Variants in KCNK10 observed in about 807,000 individuals in gnomAD.
KCNK10 encodes the protein potassium channel subfamily K member 10.
A neutral mutation model predicts 47.7 loss-of-function variants in KCNK10; 25 were observed. The ratio of observed to expected loss-of-function variants is 0.52; its 90% CI spans 0.38 to 0.73. The LOEUF (loss-of-function observed/expected upper bound fraction) is 0.73, where lower values mean the gene tolerates loss of function less well. Ranked by LOEUF, KCNK10 falls within the 30% of genes least tolerant of loss-of-function variation. The pLI is 0.00. For missense variants in KCNK10, 563 were observed against 714.5 expected, an observed-to-expected ratio of 0.79 and a Z score of 2.42; for synonymous variants, 303 against 285.6, an observed-to-expected ratio of 1.06 and a Z score of -0.61.
chr14:88,266,494 T>G (rs1887261546), intron 1 of KCNK10, among the ~76,000 whole-genome samples: 1 of 152,192 alleles, frequency 6.6e-6, no homozygotes, highest in Non-Finnish European at 1.5e-5. Flanking sequence ...CCTATCAACT[T>G]CTTGGAGTCA....
intron 3 of KCNK10, among the ~76,000 whole-genome samples, chr14:88,239,901 T>TA (rs1331396407): frequency 1.1e-4 from 15 of 141,542 alleles, no homozygotes; most frequent in Admixed American, 4.9e-4. Context: ...TAAAATAAAA[T>TA]AAATAAATAA....
intron 4 of KCNK10, among the ~76,000 whole-genome samples, chr14:88,222,652 G>A (rs996255106): frequency 2.6e-5 from 4 of 152,156 alleles, no homozygotes; most frequent in Non-Finnish European, 5.9e-5. Context: ...GTAGGGGCAA[G>A]GGGATATGGG....
intron 2 of KCNK10, among the ~76,000 whole-genome samples, chr14:88,241,949 G>T (rs919918358): frequency 1.3e-5 from 2 of 152,224 alleles, no homozygotes; most frequent in Admixed American, 6.5e-5. Flanking sequence ...GGTAGGACGT[G>T]CTGTCATGGC....
At chr14:88,206,656 A>T (rs1322723668) in intron 4 of KCNK10, among the ~76,000 whole-genome samples, 1 of 152,232 alleles carries the variant, frequency 6.6e-6, no homozygotes, top group African/African-American at 2.4e-5. Flanking sequence ...GCATTTGGAG[A>T]TATTGCATTC....
chr14:88,283,796 C>A (rs1371694132), intron 1 of KCNK10, among the ~76,000 whole-genome samples: 1 of 152,004 alleles, frequency 6.6e-6, no homozygotes, highest in African/African-American at 2.4e-5. Flanking sequence ...CACCTGTAGT[C>A]CCAGCTACTC....
In KCNK10 at chr14:88,180,770, A is replaced by G. The variant is rs3742693; in HGVS notation, c.*4765T>C. ...GAACTGAGGTTTACATGGAGTATGG[A>G]TGGGTTGGTGAAGTCCAATGAAGGT... On this transcript the variant is annotated 3_prime_UTR_variant, in exon 7 of 7. Transcript: ENST00000319231. 0.076 allele frequency: 30,176 copies of G among 398,530 alleles called. 2,250 individuals carry two copies. Among genetic ancestry groups the G allele is most frequent in the African/African-American group, 0.26 (12,771 of 48,604 alleles). 24.7% of individuals were successfully genotyped at this position (398,530 alleles called of 1,614,324 possible).
In KCNK10 at chr14:88,182,510, T is replaced by G. The variant is rs1169320627; in HGVS notation, c.*3025A>C. 1 of 152,378 alleles carries G rather than the reference T, an allele frequency of 6.6e-6. No individual in the cohort carries two copies. Among genetic ancestry groups the G allele is most frequent in the Non-Finnish European group, 1.5e-5 (1 of 68,034 alleles). The allele number at this position is 152,378 out of a possible 1,614,324, so 9.4% of individuals were successfully genotyped here. Reference sequence around the variant, plus strand: ...TTATATGAAGAGGAATCCAACCTCTTATTCTCTCTCAGCATCTTTGCGAGA... The same window carrying G: ...TTATATGAAGAGGAATCCAACCTCTGATTCTCTCTCAGCATCTTTGCGAGA... On this transcript the variant is annotated 3_prime_UTR_variant, in exon 7 of 7. Coordinates refer to ENST00000319231, the MANE Select transcript of KCNK10 (RefSeq NM_138317.3).
chr14:88,219,121 TGAG>T (rs1885715341), intron 4 of KCNK10, among the ~76,000 whole-genome samples: 1 of 152,146 alleles, frequency 6.6e-6, no homozygotes, highest in African/African-American at 2.4e-5. Context: ...GTGAAATCTA[TGAG>T]TCTCACAATA....
chr14:88,283,349 T>C (rs1331190940), intron 1 of KCNK10, among the ~76,000 whole-genome samples: 1 of 152,254 alleles, frequency 6.6e-6, no homozygotes, highest in Non-Finnish European at 1.5e-5. Context: ...TATGGATTTG[T>C]GCTTACATGG....
chr14:88,254,111 C>T (rs1433479755), intron 2 of KCNK10, among the ~76,000 whole-genome samples: 1 of 152,108 alleles, frequency 6.6e-6, no homozygotes, highest in Non-Finnish European at 1.5e-5. Flanking sequence ...GGACTTTCTT[C>T]AGACAGAAAA....
At chr14:88,203,113 G>T (rs900736791) in intron 4 of KCNK10, among the ~76,000 whole-genome samples, 1 of 152,166 alleles carries the variant, frequency 6.6e-6, no homozygotes, top group Admixed American at 6.5e-5. Context: ...TCCAGGGATG[G>T]TGGTACCAAT....
In KCNK10 at chr14:88,274,566, A is replaced by AAAAAAAAAAAAT. The variant is rs55899872; in HGVS notation, c.53-11016_53-11015insATTTTTTTTTTT. ...ACTCTATCTAAAAAAAAAAAAAAAA[A>AAAAAAAAAAAAT]GATCTTATGGCTTAAGTCCGTAACA... is the stretch of plus-strand genomic sequence containing the variant. On this transcript the variant is annotated intron_variant, in intron 1 of 6. Coordinates refer to ENST00000319231, the MANE Select transcript of KCNK10 (RefSeq NM_138317.3). Among the ~76,000 whole-genome samples, 14 of 139,656 alleles carry AAAAAAAAAAAAT rather than the reference A, an allele frequency of 1.0e-4. 2 individuals carry two copies. The highest frequency in any genetic ancestry group is 3.4e-4 in the African/African-American group (11 of 32,172). The allele number at this position is 139,656 out of a possible 152,430, so 91.6% of individuals were successfully genotyped here. A position where few individuals can be genotyped will look rare whatever the true frequency, so the allele number is the denominator to read the frequency against.
chr14:88,249,618 C>T (rs1324256336), intron 2 of KCNK10, among the ~76,000 whole-genome samples: 5 of 152,178 alleles, frequency 3.3e-5, no homozygotes, highest in Non-Finnish European at 7.3e-5. Context: ...ATTCTAGAGC[C>T]GGACTGCCTT....
chr14:88,323,303 A>G (rs150342789), upstream of KCNK10: 434 of 984,742 alleles, frequency 4.4e-4, 12 homozygotes, highest in East Asian at 0.033. Flanking sequence ...GGCCGCGCTG[A>G]GCGCACACGC....
intron 1 of KCNK10, among the ~76,000 whole-genome samples, chr14:88,267,845 G>T (rs1195239847): frequency 6.6e-6 from 1 of 152,168 alleles, no homozygotes; most frequent in African/African-American, 2.4e-5. Context: ...GGATGGTGGT[G>T]CTGATGGTGG....
chr14:88,310,240 T>TG (rs57901159), intron 1 of KCNK10, among the ~76,000 whole-genome samples: 13 of 143,340 alleles, frequency 9.1e-5, no homozygotes, highest in South Asian at 4.4e-4. Flanking sequence ...ATATACCATA[T>TG]AAATGATATG....
chr14:88,319,161 T>TG (rs1888489982), intron 1 of KCNK10, among the ~76,000 whole-genome samples: 1 of 152,338 alleles, frequency 6.6e-6, no homozygotes, highest in Middle Eastern at 3.4e-3. Context: ...TCACCAGAGA[T>TG]GAACCATTTT....
In KCNK10 at chr14:88,185,682, C is replaced by T. The variant is rs113347660; in HGVS notation, c.1485G>A (p.Thr495=). 2.5e-5 allele frequency: 40 copies of T among 1,614,174 alleles called. No homozygotes were observed. Among genetic ancestry groups the T allele is most frequent in the African/African-American group, 1.5e-4 (11 of 75,026 alleles). Residue 495 remains threonine (T), a synonymous_variant, in exon 7 of 7, where the codon ACG becomes ACA. Coordinates refer to ENST00000319231, the MANE Select transcript of KCNK10 (RefSeq NM_138317.3). This position sits in a 1 kb window ranked among gnomAD's most constrained non-coding sequence, Gnocchi z 4.3. ...SLDEEKKEEE[T]EKMCNSDNSS... ...AGTTGTCTGAGTTACACATCTTTTC[C>T]GTCTCCTCCTCTTTCTTCTCCTCGT... is the stretch of plus-strand genomic sequence containing the variant.
rs117063903 is a variant in KCNK10, at chr14:88,320,507, C to T, written c.52+2240G>A. On this transcript the variant is annotated intron_variant, in intron 1 of 6. Coordinates refer to ENST00000319231, the MANE Select transcript of KCNK10 (RefSeq NM_138317.3). ...TGACCCCAGCACTTAGACAGCTGCC[C>T]ACCTAACACACCCCTTGGATGGCTT... Among the ~76,000 whole-genome samples the T allele has an allele frequency of 5.9e-3, 897 of 152,278 alleles. 4 individuals carry two copies. The highest frequency in any genetic ancestry group is 0.01 in the South Asian group (50 of 4,820).
Sources: allele counts gnomAD v4.1 joint callset (sites outside exome capture counted in the v4.1 genomes callset), GRCh38; gene constraint gnomAD v4.1.1; non-coding constraint Gnocchi (gnomAD v3.1); transcripts MANE v1.5; gene names NCBI Gene and HGNC (gene_info 2026-07-23, HGNC 2026-07-21).